The following PPP1R1C variants were observed in gnomAD, a reference collection of about 807,000 sequenced individuals.
PPP1R1C encodes protein phosphatase 1 regulatory subunit 1C.
Under a neutral mutation model 17.4 loss-of-function variants are expected in PPP1R1C, and 15 were observed. The observed-to-expected ratio is 0.86, with a 90% confidence interval of 0.58 to 1.33. The LOEUF is 1.33. PPP1R1C is among the 40% of genes most tolerant of loss of function. The pLI, the probability that PPP1R1C is intolerant of heterozygous loss-of-function variation, is 0.00. For synonymous variants in PPP1R1C, 35 were observed against 43.1 expected (o/e 0.81, Z 0.73); for missense variants, 143 against 130.0 (o/e 1.10, Z -0.48).
At chr2:182,067,488 G>A (rs184343429) in intron 4 of PPP1R1C, among the ~76,000 whole-genome samples, 3 of 152,148 alleles carry the variant, frequency 2.0e-5, no homozygotes, top group Non-Finnish European at 2.9e-5. Flanking sequence ...AGAATAAGAC[G>A]TACTTCAGAT....
intron 2 of PPP1R1C, among the ~76,000 whole-genome samples, chr2:182,016,254 G>C (rs1206169064): frequency 6.6e-6 from 1 of 152,202 alleles, no homozygotes; most frequent in African/African-American, 2.4e-5. Context: ...GAATGGGGGA[G>C]GGGTGGCATC....
rs1684928031 is a variant in PPP1R1C at position 181,967,682 on chromosome 2, T to G, written n.112-7537T>G. On this transcript the variant is annotated intron_variant and non_coding_transcript_variant, in intron 1 of 5. Transcript: ENST00000464264. This position sits in a 1 kb window ranked among gnomAD's most constrained non-coding sequence, Gnocchi z 5.5. ...CTCCCTCCTTCTCTCTCTCTTTCCT[T>G]CCTTCCTTCCTTTCTTTCTCTTTCT... 6.6e-6 allele frequency among the ~76,000 whole-genome samples: 1 copy of G among 151,752 alleles called. No individual in the cohort carries two copies. Among genetic ancestry groups the G allele is most frequent in the Non-Finnish European group, 1.5e-5 (1 of 67,906 alleles).
intron 4 of PPP1R1C, among the ~76,000 whole-genome samples, chr2:182,097,771 T>G (rs1688985336): frequency 6.6e-6 from 1 of 152,228 alleles, no homozygotes; most frequent in African/African-American, 2.4e-5. Context: ...ATTATGATTC[T>G]CCACTTCTTC....
chr2:181,977,707 A>G (rs1365418246), intron 2 of PPP1R1C, among the ~76,000 whole-genome samples: 1 of 152,152 alleles, frequency 6.6e-6, no homozygotes, highest in Non-Finnish European at 1.5e-5. Flanking sequence ...TTTTATGTCC[A>G]TAGTTTCTGT....
intron 4 of PPP1R1C, among the ~76,000 whole-genome samples, chr2:182,071,813 G>T (rs1018499618): frequency 6.6e-6 from 1 of 151,968 alleles, no homozygotes; most frequent in Non-Finnish European, 1.5e-5. Context: ...TCCTGTTTTG[G>T]CCTTTGGGAA....
chr2:181,977,664 G>A (rs540662654), intron 2 of PPP1R1C, among the ~76,000 whole-genome samples: 6 of 152,242 alleles, frequency 3.9e-5, no homozygotes, highest in South Asian at 2.1e-4. Context: ...GCTCATGCCC[G>A]TAATCCCAGC....
Position 181,987,852 on chromosome 2 carries a change from G to A in PPP1R1C, c.95G>A (p.Arg32Lys), listed in dbSNP as rs775782134. ...PEAAEQIRKRRPTPASLVILN... is the reference protein window; with the variant it reads ...PEAAEQIRKRKPTPASLVILN... ...TGTCGTTCACAGATCAGGAAAAGAA[G>A]ACCTACACCAGCATCACTTGTGATT... The change falls in exon 2 of 5, where the codon AGA becomes AAA. Residue 32 changes from arginine to lysine, a missense_variant. Transcript: ENST00000682840. 1.9e-6 allele frequency: 3 copies of A among 1,613,394 alleles called. No individual in the cohort carries two copies. Among genetic ancestry groups the A allele is most frequent in the South Asian group, 2.2e-5 (2 of 91,032 alleles).
intron 2 of PPP1R1C, among the ~76,000 whole-genome samples, chr2:181,989,402 C>T (rs1466606304): frequency 6.6e-6 from 1 of 152,194 alleles, no homozygotes; most frequent in Non-Finnish European, 1.5e-5. Flanking sequence ...GGCTATTCCA[C>T]TAGAAGTGAC....
At chr2:182,020,515 T>C (rs530870903) in intron 2 of PPP1R1C, among the ~76,000 whole-genome samples, 11 of 152,288 alleles carry the variant, frequency 7.2e-5, no homozygotes, top group African/African-American at 2.6e-4. Flanking sequence ...TAGAGGCCCC[T>C]CACATTTTGA....
intron 4 of PPP1R1C, 40 bp downstream of exon 4, chr2:182,063,831 A>G (rs1687913155): frequency 6.7e-7 from 1 of 1,491,572 alleles, no homozygotes; most frequent in Admixed American, 1.7e-5. Context: ...ATGAGTGGTG[A>G]ATCATGGCTG....
chr2:182,090,124 C>A (rs890749742), intron 4 of PPP1R1C, among the ~76,000 whole-genome samples: 3 of 152,048 alleles, frequency 2.0e-5, no homozygotes, highest in African/African-American at 7.2e-5. Flanking sequence ...TTAATTTGTT[C>A]ATTCCTATCT....
intron 2 of PPP1R1C, among the ~76,000 whole-genome samples, chr2:182,024,371 A>G (rs1686526213): frequency 6.6e-6 from 1 of 152,224 alleles, no homozygotes; most frequent in African/African-American, 2.4e-5. Flanking sequence ...GTTTGAGGAC[A>G]AATTAAAGTA....
intron 2 of PPP1R1C, among the ~76,000 whole-genome samples, chr2:182,018,958 C>T (rs1295671272): frequency 6.6e-6 from 1 of 152,012 alleles, no homozygotes; most frequent in Non-Finnish European, 1.5e-5. Flanking sequence ...AAGGAAAATA[C>T]TTTTGTGGTG....
intron 2 of PPP1R1C, among the ~76,000 whole-genome samples, chr2:181,977,382 G>T (rs530653233): frequency 6.6e-6 from 1 of 151,474 alleles, no homozygotes; most frequent in African/African-American, 2.4e-5. Context: ...TTGTATTTTT[G>T]TGTGTGTGTG....
intron 2 of PPP1R1C, among the ~76,000 whole-genome samples, chr2:182,044,821 C>CAT (rs1419173745): frequency 6.6e-6 from 1 of 152,168 alleles, no homozygotes; most frequent in Non-Finnish European, 1.5e-5. Context: ...GACAACCTTA[C>CAT]ATATAAGACA....
intron 2 of PPP1R1C, among the ~76,000 whole-genome samples, chr2:182,011,513 T>C (rs1197966281): frequency 6.6e-6 from 1 of 152,062 alleles, no homozygotes; most frequent in Non-Finnish European, 1.5e-5. Context: ...TCTTTTTTCC[T>C]TCATCTGGCT....
intron 2 of PPP1R1C, among the ~76,000 whole-genome samples, chr2:182,027,839 C>T (rs1038410304): frequency 1.4e-5 from 2 of 142,040 alleles, no homozygotes. Flanking sequence ...TCCATCTGGT[C>T]CTGGACTCTT....
At chr2:182,120,326 T>C (rs1188777250), downstream of PPP1R1C, among the ~76,000 whole-genome samples, 3 of 151,830 alleles carry the variant, frequency 2.0e-5, no homozygotes, top group East Asian at 1.9e-4. Flanking sequence ...CTGAAGGAAG[T>C]AGAGACACAA....
chr2:182,127,211 C>T (rs1243534496), intron 5 of PPP1R1C, among the ~76,000 whole-genome samples: 1 of 152,020 alleles, frequency 6.6e-6, no homozygotes, highest in African/African-American at 2.4e-5. Flanking sequence ...AGCACATTAC[C>T]ATGACTTTGT....
Sources: gnomAD v4.1 joint callset for allele counts (sites outside exome capture counted in the v4.1 genomes callset) on GRCh38, gnomAD v4.1.1 for gene constraint, Gnocchi (gnomAD v3.1) non-coding constraint, MANE v1.5 for transcripts, NCBI Gene and HGNC (gene_info 2026-07-23, HGNC 2026-07-21) for gene names.